Variants in NAV3 observed in about 807,000 individuals in gnomAD.
NAV3 encodes the protein neuron navigator 3.
In NAV3, 87 loss-of-function variants were observed where a neutral mutation model predicts 244.7. The observed-to-expected ratio is 0.36, with a 90% CI of 0.30 to 0.42. The LOEUF is 0.42. NAV3 is among the 20% of genes least tolerant of loss of function. The pLI is 1.00. For synonymous variants in NAV3, 1,126 were observed against 1,042.2 expected (o/e 1.08, Z -1.55); for missense variants, 2,663 against 2,893.3 (o/e 0.92, Z 1.83).
At chr12:78,144,433 A>G (rs369145207) in intron 20 of NAV3, among the ~76,000 whole-genome samples, 64 of 152,284 alleles carry the variant, frequency 4.2e-4, no homozygotes, top group Middle Eastern at 6.8e-3. Flanking sequence ...TCATGATATC[A>G]TTAATCCCAC....
intron 2 of NAV3, among the ~76,000 whole-genome samples, chr12:77,660,538 G>A (rs944801144): frequency 5.3e-5 from 8 of 151,908 alleles, no homozygotes; most frequent in Non-Finnish European, 1.0e-4. Context: ...GTTTTTTACA[G>A]TTTATAAACC....
intron 2 of NAV3, among the ~76,000 whole-genome samples, chr12:77,724,696 A>G (rs1205651815): frequency 6.6e-6 from 1 of 151,902 alleles, no homozygotes; most frequent in African/African-American, 2.4e-5. Context: ...TCAATATCCT[A>G]TCTATGAAAT....
intron 2 of NAV3, among the ~76,000 whole-genome samples, chr12:77,732,660 T>C (rs1157978692): frequency 6.6e-6 from 1 of 152,020 alleles, no homozygotes; most frequent in Non-Finnish European, 1.5e-5. Flanking sequence ...TTCATTCCCA[T>C]TTTGCAAATG....
chr12:78,196,307 C>T (rs1959173422), intron 34 of NAV3, among the ~76,000 whole-genome samples: 1 of 151,744 alleles, frequency 6.6e-6, no homozygotes, highest in African/African-American at 2.4e-5. Context: ...AAATCCTGGC[C>T]CGTTGTTTTA....
chr12:78,144,445 C>T (rs1956765083), intron 20 of NAV3, among the ~76,000 whole-genome samples: 2 of 151,974 alleles, frequency 1.3e-5, no homozygotes, highest in African/African-American at 4.8e-5. Flanking sequence ...TAATCCCACA[C>T]CTAAGCTACT....
chr12:78,050,298 T>C (rs1175050685), intron 10 of NAV3, among the ~76,000 whole-genome samples, 197 bp downstream of exon 10: 2 of 152,226 alleles, frequency 1.3e-5, no homozygotes, highest in African/African-American at 4.8e-5. Flanking sequence ...TTTATCTCTA[T>C]CTCTATCTGC....
intron 1 of NAV3, among the ~76,000 whole-genome samples, chr12:77,842,945 T>C (rs1301879534): frequency 2.6e-5 from 4 of 152,188 alleles, no homozygotes; most frequent in African/African-American, 9.7e-5. Context: ...TTTTTAGGCT[T>C]AAAAAATGTA....
chr12:78,057,162 G>A (rs1430045824), intron 11 of NAV3, among the ~76,000 whole-genome samples: 1 of 152,082 alleles, frequency 6.6e-6, no homozygotes, highest in African/African-American at 2.4e-5. Flanking sequence ...AAAACACCCT[G>A]GAAAATTGGG....
intron 2 of NAV3, among the ~76,000 whole-genome samples, chr12:77,686,436 T>A (rs142665311): frequency 0.032 from 4,718 of 149,706 alleles, 163 homozygotes; most frequent in Middle Eastern, 0.035. Flanking sequence ...TTTTTTTTTT[T>A]TTTTTTTTTT....
Position 77,818,757 on chromosome 12 carries a change from G to A in NAV3, c.73-121562G>A, listed in dbSNP as rs563025716. ...CATCGTTCACATTTAATATTGCGTC[G>A]ATTCTGCATTTGAGGAAATCAATTT... On this transcript the variant is annotated intron_variant, in intron 2 of 8. Transcript: ENST00000550042. Among the ~76,000 whole-genome samples, 5 of 152,104 alleles carry A rather than the reference G, an allele frequency of 3.3e-5. No homozygotes were observed. The South Asian group carries it at 6.2e-4, about 19-fold the overall frequency.
chr12:77,584,057 T>C (rs2136687568), intron 2 of NAV3, among the ~76,000 whole-genome samples: 1 of 152,324 alleles, frequency 6.6e-6, no homozygotes, highest in Admixed American at 6.5e-5. Flanking sequence ...TGTAATTTCC[T>C]CAAGAAAGTG....
intron 12 of NAV3, among the ~76,000 whole-genome samples, chr12:78,097,971 T>C (rs1030140269): frequency 6.6e-6 from 1 of 152,154 alleles, no homozygotes; most frequent in African/African-American, 2.4e-5. Flanking sequence ...TCAGACTTAA[T>C]AGCTGTGATT....
At chr12:77,679,074 CATAGTCTACATTAGTT>C (rs1316016550) in intron 2 of NAV3, among the ~76,000 whole-genome samples, 3 of 152,146 alleles carry the variant, frequency 2.0e-5, no homozygotes, top group Admixed American at 1.3e-4. Context: ...CTACTTTAGG[CATAGTCTACATTAGTT>C]ACTATGCAAT....
At chr12:77,675,447 T>G (rs11106225) in intron 2 of NAV3, among the ~76,000 whole-genome samples, 15,908 of 152,174 alleles carry the variant, frequency 0.1, 1,294 homozygotes, top group African/African-American at 0.23. Flanking sequence ...CCACCCGGAA[T>G]AGCAAGGATA....
intron 20 of NAV3, chr12:78,145,045 G>C (rs1956809237): frequency 3.2e-6 from 1 of 309,564 alleles, no homozygotes; most frequent in African/African-American, 2.3e-5. Context: ...ATGTTTTAAG[G>C]CAATGAAACT....
intron 9 of NAV3, among the ~76,000 whole-genome samples, chr12:78,038,943 G>GC (rs1880387000): frequency 6.6e-6 from 1 of 152,084 alleles, no homozygotes; most frequent in South Asian, 2.1e-4. Context: ...GCCTTTTTGT[G>GC]CATAAATAAC....
intron 12 of NAV3, among the ~76,000 whole-genome samples, chr12:78,069,873 A>G (rs1239824288): frequency 6.6e-6 from 1 of 152,030 alleles, no homozygotes. Flanking sequence ...TGAGATAAAG[A>G]TTTACAATTT....
At chr12:78,111,843 T>G (rs1191199818) in intron 12 of NAV3, among the ~76,000 whole-genome samples, 4 of 152,218 alleles carry the variant, frequency 2.6e-5, no homozygotes, top group Non-Finnish European at 5.9e-5. Flanking sequence ...TGTGTTTTTA[T>G]AATTTATATG....
intron 1 of NAV3, among the ~76,000 whole-genome samples, chr12:77,864,684 A>G (rs951395651): frequency 7.9e-5 from 12 of 151,994 alleles, no homozygotes; most frequent in African/African-American, 2.2e-4. Flanking sequence ...TCCATCTACC[A>G]TGCATCATAT....
Sources: allele counts gnomAD v4.1 joint callset (sites outside exome capture counted in the v4.1 genomes callset), GRCh38; gene constraint gnomAD v4.1.1; transcripts MANE v1.5; gene names NCBI Gene and HGNC (gene_info 2026-07-23, HGNC 2026-07-21).